Variants in FMO5 observed in about 807,000 individuals in gnomAD.
FMO5 encodes the protein flavin-containing monooxygenase 5.
A neutral mutation model predicts 43.6 loss-of-function variants in FMO5; 51 were observed. The observed-to-expected ratio is 1.17, with a 90% confidence interval of 0.93 to 1.48. The LOEUF (loss-of-function observed/expected upper bound fraction) is 1.48. FMO5 is among the 40% of genes most tolerant of loss of function. The probability of loss-of-function intolerance (pLI) is 0.00; values close to 1 mark genes in which losing one functional copy is unlikely to be tolerated. For synonymous variants in FMO5, 187 were observed against 216.5 expected (o/e 0.86, Z 1.20); for missense variants, 644 against 643.0 (o/e 1.00, Z -0.02).
At chr1:147,204,817 A>G in intron 6 of FMO5, 2 of 1,603,858 alleles carry the variant, frequency 1.2e-6, no homozygotes, top group South Asian at 1.1e-5. Flanking sequence ...GGTTTGGGCA[A>G]GCTCCTTGCA....
In FMO5 at chr1:147,188,522, CAAAA is replaced by C. The variant is rs10552833; in HGVS notation, c.1257-1281_1257-1278del. On this transcript the variant is annotated intron_variant, in intron 8 of 8. Transcript: ENST00000254090. The stretch of plus-strand genomic sequence containing the variant: ...TGGGTAACAGAGTGAGACCCCATAT[CAAAA>C]AAAAAAAAAAAAAAAAAAGAGCTAT... Among the ~76,000 whole-genome samples, 119 of 61,232 alleles carry C rather than the reference CAAAA, an allele frequency of 1.9e-3. 1 individual carries two copies. The East Asian group carries it at 0.032, about 16-fold the overall frequency. 40.2% of individuals were successfully genotyped at this position (61,232 alleles called of 152,430 possible). A position where few individuals can be genotyped will look rare whatever the true frequency, so the allele number is the denominator to read the frequency against.
At chr1:147,213,864 C>T (rs1453948341) in intron 3 of FMO5, among the ~76,000 whole-genome samples, 1 of 152,082 alleles carries the variant, frequency 6.6e-6, no homozygotes, top group Non-Finnish European at 1.5e-5. Flanking sequence ...TGTCTTCTTA[C>T]CCTAGGTTCT....
intron 7 of FMO5, among the ~76,000 whole-genome samples, chr1:147,199,881 A>G (rs1658676803): frequency 6.6e-6 from 1 of 152,168 alleles, no homozygotes; most frequent in Admixed American, 6.5e-5. Flanking sequence ...TGAAAACAAA[A>G]AAGGTGTAAT....
intron 7 of FMO5, among the ~76,000 whole-genome samples, chr1:147,198,868 A>AGAAAG (rs1297766030): frequency 1.4e-5 from 2 of 146,196 alleles, no homozygotes; most frequent in African/African-American, 2.6e-5. Flanking sequence ...AAAAAAAAAA[A>AGAAAG]AAAAAAAGAA....
chr1:147,195,415 G>C lies in FMO5; in HGVS notation c.1184-5166C>G, dbSNP rs1657806539. Among the ~76,000 whole-genome samples the C allele has an allele frequency of 3.3e-5, 5 of 151,748 alleles. 1 individual carries two copies. The South Asian group carries it at 1.0e-3, about 31-fold the overall frequency. ...CCCAAGGTGCTGGGATTACAGGCATGAGCCACCATGCCCAGCCAAAATAAA... is the reference window on the plus strand; with the variant it reads ...CCCAAGGTGCTGGGATTACAGGCATCAGCCACCATGCCCAGCCAAAATAAA... On this transcript the variant is annotated intron_variant, in intron 7 of 8. Coordinates refer to ENST00000254090, the MANE Select transcript of FMO5 (RefSeq NM_001461.4).
chr1:147,225,037 C>T lies in FMO5; in HGVS notation c.-8G>A. On this transcript the variant is annotated 5_prime_UTR_variant, in exon 2 of 9. Transcript: ENST00000254090. Reference sequence around the variant, plus strand: ...AATTCTTTTCTTAGTCATGGTCTCCCGAGATCTTCACCTGTTAGTGTCGCC... The same window carrying T: ...AATTCTTTTCTTAGTCATGGTCTCCTGAGATCTTCACCTGTTAGTGTCGCC... 3 of 1,614,078 alleles carry T rather than the reference C, an allele frequency of 1.9e-6. No individual in the cohort carries two copies. The highest frequency in any genetic ancestry group is 2.2e-5 in the East Asian group (1 of 44,862).
chr1:147,225,041 A>G lies in FMO5; in HGVS notation c.-12T>C, dbSNP rs1271787373. The G allele has an allele frequency of 7.4e-6, 12 of 1,613,972 alleles. No homozygotes were observed. Among genetic ancestry groups the G allele is most frequent in the Non-Finnish European group, 9.3e-6 (11 of 1,179,996 alleles). ...CTTTTCTTAGTCATGGTCTCCCGAG[A>G]TCTTCACCTGTTAGTGTCGCCTGTC... On this transcript the variant is annotated 5_prime_UTR_variant, in exon 2 of 9. Coordinates refer to ENST00000254090, the MANE Select transcript of FMO5 (RefSeq NM_001461.4).
chr1:147,188,565 G>T (rs1404222892), intron 8 of FMO5, among the ~76,000 whole-genome samples: 4 of 147,602 alleles, frequency 2.7e-5, no homozygotes, highest in East Asian at 4.0e-4. Context: ...ATTCATGAAG[G>T]TTTCACAAAA....
At chr1:147,226,228 CT>C (rs1663978112), upstream of FMO5, among the ~76,000 whole-genome samples, 1 of 151,890 alleles carries the variant, frequency 6.6e-6, no homozygotes, top group African/African-American at 2.4e-5. Flanking sequence ...CCTGCCCCCA[CT>C]TCCGCCCCCG....
chr1:147,208,201 T>A (rs1294265339), intron 6 of FMO5, among the ~76,000 whole-genome samples: 3 of 152,180 alleles, frequency 2.0e-5, no homozygotes, highest in Non-Finnish European at 4.4e-5. Flanking sequence ...TTCATGCCCA[T>A]GTATGATGCC....
At chr1:147,193,661 T>C (rs1657351061) in intron 7 of FMO5, among the ~76,000 whole-genome samples, 1 of 152,200 alleles carries the variant, frequency 6.6e-6, no homozygotes, top group Admixed American at 6.5e-5. Context: ...TAAATTTCCC[T>C]CTACACACTG....
chr1:147,222,372 GAAA>G (rs1663184431), intron 2 of FMO5, among the ~76,000 whole-genome samples: 1 of 152,108 alleles, frequency 6.6e-6, no homozygotes, highest in African/African-American at 2.4e-5. Flanking sequence ...TGCCTAAAAA[GAAA>G]AGAGAGAGAG....
At chr1:147,203,870 A>G (rs1659491369) in intron 6 of FMO5, 7 of 1,581,694 alleles carry the variant, frequency 4.4e-6, no homozygotes, top group African/African-American at 4.0e-5. Context: ...AGTATCTCCA[A>G]CTTCTGAGAG....
In FMO5 at chr1:147,187,089, G is replaced by T; in HGVS notation, c.1413C>A (p.Ile471=). Residue 471 remains isoleucine (I), a synonymous_variant, in exon 9 of 9, where the codon ATC becomes ATA. Coordinates refer to ENST00000254090, the MANE Select transcript of FMO5 (RefSeq NM_001461.4). ...TTCCAGGGCCCTGTACACGATAGTG[G>T]ATTGGAGTGCAGGGTCCCAGTAATA... The part of the protein sequence containing the change: ...LHLLLGPCTP[I]HYRVQGPGKW... The T allele has an allele frequency of 6.2e-7, 1 of 1,614,130 alleles. No homozygotes were observed. The highest frequency in any genetic ancestry group is 8.5e-7 in the Non-Finnish European group (1 of 1,180,032).
Position 147,187,064 on chromosome 1 carries a change from T to G in FMO5, c.1438A>C (p.Lys480Gln). Reference protein sequence around the residue: ...PIHYRVQGPGKWDGARKAILT... With the variant: ...PIHYRVQGPGQWDGARKAILT... ...ATAGCTTTTCGAGCCCCATCCCACTTTCCAGGGCCCTGTACACGATAGTGG... is the reference window on the plus strand; with the variant it reads ...ATAGCTTTTCGAGCCCCATCCCACTGTCCAGGGCCCTGTACACGATAGTGG... Residue 480 changes from lysine to glutamine, a missense_variant, in exon 9 of 9, where the codon AAG (lysine) becomes CAG (glutamine). Physicochemically the swap from Lys to Gln is moderately conservative, Grantham distance 53. Coordinates refer to ENST00000254090, the MANE Select transcript of FMO5 (RefSeq NM_001461.4). The G allele has an allele frequency of 6.2e-7, 1 of 1,614,156 alleles. No individual in the cohort carries two copies. Among genetic ancestry groups the G allele is most frequent in the South Asian group, 1.1e-5 (1 of 91,076 alleles).
Position 147,187,204 on chromosome 1 carries a change from A to T in FMO5, c.1298T>A (p.Ile433Lys). ...SQRHTIQGDY[I>K]DTMEELADLV... ...ATCAGCAAGCTCTTCCATGGTATCTATGTAGTCTCCCTGAATGGTATGGCG... is the reference window on the plus strand; with the variant it reads ...ATCAGCAAGCTCTTCCATGGTATCTTTGTAGTCTCCCTGAATGGTATGGCG... The change falls in exon 9 of 9, where the codon ATA (isoleucine) becomes AAA (lysine). Residue 433 changes from isoleucine to lysine, a missense_variant. Physicochemically the swap from Ile to Lys is moderately radical, Grantham distance 102 (BLOSUM62 -3). Transcript: ENST00000254090. The T allele has an allele frequency of 1.2e-6, 2 of 1,613,922 alleles. No individual in the cohort carries two copies. The highest frequency in any genetic ancestry group is 1.3e-5 in the African/African-American group (1 of 75,038).
intron 6 of FMO5, among the ~76,000 whole-genome samples, chr1:147,206,463 C>A (rs1427739394): frequency 6.6e-6 from 1 of 152,140 alleles, no homozygotes; most frequent in African/African-American, 2.4e-5. Context: ...CACATGCACA[C>A]GTATGTTTAT....
chr1:147,220,261 A>C (rs1662778827), intron 2 of FMO5, among the ~76,000 whole-genome samples: 1 of 152,254 alleles, frequency 6.6e-6, no homozygotes, highest in South Asian at 2.1e-4. Flanking sequence ...TAGGATTTAT[A>C]AGCATGAATT....
intron 2 of FMO5, among the ~76,000 whole-genome samples, chr1:147,217,330 C>A (rs782473286): frequency 6.6e-6 from 1 of 151,576 alleles, no homozygotes; most frequent in African/African-American, 2.4e-5. Context: ...TGCAATGATG[C>A]AATCTACCCA....
Sources: allele counts gnomAD v4.1 joint callset (sites outside exome capture counted in the v4.1 genomes callset), GRCh38; gene constraint gnomAD v4.1.1; transcripts MANE v1.5; gene names NCBI Gene and HGNC (gene_info 2026-07-23, HGNC 2026-07-21).